The following USH2A variants were observed in gnomAD, a reference collection of about 807,000 sequenced individuals.
The protein encoded by USH2A is usherin.
A neutral mutation model predicts 538.9 loss-of-function variants in USH2A; 443 were observed. The ratio of observed to expected loss-of-function variants is 0.82; its 90% CI spans 0.76 to 0.89. USH2A has a LOEUF of 0.89. Among genes scored for constraint, USH2A ranks in the 40% least tolerant of loss-of-function variants. The probability of loss-of-function intolerance (pLI) is 0.00; values close to 1 mark genes in which losing one functional copy is unlikely to be tolerated. For synonymous variants in USH2A, 2,413 were observed against 2,273.5 expected (o/e 1.06, Z -1.75); for missense variants, 6,633 against 6,324.8 (o/e 1.05, Z -1.65).
At chr1:216,168,667 C>G (rs1213559694) in intron 21 of USH2A, among the ~76,000 whole-genome samples, 1 of 152,142 alleles carries the variant, frequency 6.6e-6, no homozygotes. Flanking sequence ...GCCGTGCAGC[C>G]TCCAGCTGCA....
intron 61 of USH2A, among the ~76,000 whole-genome samples, chr1:215,713,412 T>C (rs979699193): frequency 6.6e-6 from 1 of 152,166 alleles, no homozygotes; most frequent in Admixed American, 6.6e-5. Context: ...CCTCACTCAA[T>C]AGCTTTGCTA....
At chr1:216,192,381 GGAGA>G (rs940261249) in intron 19 of USH2A, among the ~76,000 whole-genome samples, 3 of 151,932 alleles carry the variant, frequency 2.0e-5, no homozygotes, top group African/African-American at 7.3e-5. Flanking sequence ...TATTTGCACA[GGAGA>G]GAGAGTTCAA....
At chr1:216,147,726 A>C (rs2033739617) in intron 21 of USH2A, among the ~76,000 whole-genome samples, 3 of 150,216 alleles carry the variant, frequency 2.0e-5, no homozygotes, top group Non-Finnish European at 3.0e-5. Context: ...TGTGAGACAA[A>C]CCCCAGCCAC....
At chr1:215,661,354 C>A (rs572591072) in intron 64 of USH2A, among the ~76,000 whole-genome samples, 7 of 152,296 alleles carry the variant, frequency 4.6e-5, no homozygotes, top group African/African-American at 1.4e-4. Flanking sequence ...TCTCCTGCTC[C>A]TCTCTTTGGC....
chr1:215,795,422 G>T (rs908671805), intron 50 of USH2A, among the ~76,000 whole-genome samples: 2 of 152,078 alleles, frequency 1.3e-5, no homozygotes, highest in African/African-American at 4.8e-5. Flanking sequence ...CCTTGATTAG[G>T]TTGTAAGTTC....
intron 49 of USH2A, among the ~76,000 whole-genome samples, chr1:215,804,244 A>C (rs1457515413): frequency 1.3e-5 from 2 of 152,006 alleles, no homozygotes; most frequent in Non-Finnish European, 2.9e-5. Flanking sequence ...CATGTCTAAA[A>C]CACCAAAAGC....
Position 215,786,754 on chromosome 1 carries a change from T to A in USH2A, c.10303A>T (p.Thr3435Ser). The change falls in exon 52 of 72, where the codon ACA becomes TCA. Residue 3435 changes from threonine to serine, a missense_variant. Physicochemically the swap from Thr to Ser is moderately conservative, Grantham distance 58. Transcript: ENST00000307340. ...ATTTCTTCAATTGATGCCTTCCCTGTGGAATTGTGAGACCCTCTTATCACA... is the reference window on the plus strand; with the variant it reads ...ATTTCTTCAATTGATGCCTTCCCTGAGGAATTGTGAGACCCTCTTATCACA... ...CTVIRGSHNS[T>S]GKASIEEMCS... 1 of 1,613,992 alleles carries A rather than the reference T, an allele frequency of 6.2e-7. No homozygotes were observed. Among genetic ancestry groups the A allele is most frequent in the Non-Finnish European group, 8.5e-7 (1 of 1,179,946 alleles).
Position 215,650,672 on chromosome 1 carries a change from T to A in USH2A, c.14263A>T (p.Ile4755Phe). The change falls in exon 65 of 72, where the codon ATC becomes TTC. Residue 4755 changes from isoleucine (I) to phenylalanine (F), a missense_variant. By Grantham distance (21) the Ile-to-Phe change is conservative. Coordinates refer to ENST00000307340, the MANE Select transcript of USH2A (RefSeq NM_206933.4). ...CCGTTGGGCTTCCCAGGGGCACTGA[T>A]GTTGACCACTGCTTGGGTAGAAGAG... ...VISSTQAVVNISAPGKPNGIV... is the reference protein window; with the variant it reads ...VISSTQAVVNFSAPGKPNGIV... 3 of 1,614,124 alleles carry A rather than the reference T, an allele frequency of 1.9e-6. No homozygotes were observed. Among genetic ancestry groups the A allele is most frequent in the Non-Finnish European group, 2.5e-6 (3 of 1,180,018 alleles).
At chr1:215,865,128 G>A (rs1423623071) in intron 44 of USH2A, among the ~76,000 whole-genome samples, 1 of 152,032 alleles carries the variant, frequency 6.6e-6, no homozygotes, top group African/African-American at 2.4e-5. Context: ...CAAAAAATAG[G>A]CCACCTTTCA....
chr1:215,958,704 C>A (rs1667128739), intron 37 of USH2A, among the ~76,000 whole-genome samples: 1 of 152,020 alleles, frequency 6.6e-6, no homozygotes, highest in Admixed American at 6.6e-5. Flanking sequence ...CTTTATGCCC[C>A]TCCTGATCCC....
chr1:216,011,005 T>C (rs1191506665), intron 32 of USH2A, among the ~76,000 whole-genome samples: 1 of 152,134 alleles, frequency 6.6e-6, no homozygotes, highest in African/African-American at 2.4e-5. Context: ...CCTCACAGCA[T>C]GCTTTGAAAG....
chr1:215,669,086 C>G (rs1264346615), intron 64 of USH2A, among the ~76,000 whole-genome samples: 1 of 152,096 alleles, frequency 6.6e-6, no homozygotes, highest in Non-Finnish European at 1.5e-5. Context: ...AATGAGACTT[C>G]CACAGATCAT....
chr1:216,026,536 T>G (rs1231375467), intron 32 of USH2A, among the ~76,000 whole-genome samples: 1 of 152,172 alleles, frequency 6.6e-6, no homozygotes, highest in Non-Finnish European at 1.5e-5. Context: ...CTACTGTGTC[T>G]CTGAACATCC....
chr1:216,392,601 C>G (rs928100066), intron 3 of USH2A, among the ~76,000 whole-genome samples: 1 of 150,572 alleles, frequency 6.6e-6, no homozygotes, highest in African/African-American at 2.4e-5. Flanking sequence ...ATCTCTGTTA[C>G]TTCCCTTGTA....
chr1:215,951,860 A>AT (rs1488405964), intron 37 of USH2A, among the ~76,000 whole-genome samples: 4 of 144,334 alleles, frequency 2.8e-5, no homozygotes, highest in East Asian at 2.2e-4. Context: ...TTTATTTTTT[A>AT]TTTTTTTTAT....
intron 61 of USH2A, among the ~76,000 whole-genome samples, chr1:215,708,596 T>A (rs970169403): frequency 2.1e-4 from 32 of 152,234 alleles, no homozygotes; most frequent in African/African-American, 7.2e-4. Context: ...CATCAGGTAT[T>A]AGTTAGATTC....
chr1:216,419,940 T>C (rs1405837508), intron 2 of USH2A, among the ~76,000 whole-genome samples: 2 of 152,156 alleles, frequency 1.3e-5, no homozygotes, highest in Non-Finnish European at 2.9e-5. Flanking sequence ...ACAATTTTAC[T>C]ATATTTTGTA....
rs1222960866 is a variant in USH2A, at chr1:215,940,232, T to C, written c.7121-5437A>G. ...CTTCTTGCTGTACAAAGAAATACTA[T>C]ATTTTTCTGGTATTAAGGTCTCAAT... On this transcript the variant is annotated intron_variant, in intron 37 of 71. Coordinates refer to ENST00000307340, the MANE Select transcript of USH2A (RefSeq NM_206933.4). Among the ~76,000 whole-genome samples the C allele has an allele frequency of 2.0e-5, 3 of 152,242 alleles. No individual in the cohort carries two copies. In the East Asian group the frequency reaches 5.8e-4, roughly 29 times the overall value.
intron 4 of USH2A, among the ~76,000 whole-genome samples, chr1:216,361,037 G>C (rs1169329536): frequency 1.3e-5 from 2 of 151,948 alleles, no homozygotes; most frequent in Non-Finnish European, 2.9e-5. Flanking sequence ...TAAATATTTT[G>C]GCCCAAGTAT....
Sources: gnomAD v4.1 joint callset for allele counts (sites outside exome capture counted in the v4.1 genomes callset) on GRCh38, gnomAD v4.1.1 for gene constraint, MANE v1.5 for transcripts, NCBI Gene and HGNC (gene_info 2026-07-23, HGNC 2026-07-21) for gene names.